Variants in KIAA1217 observed in about 807,000 individuals in gnomAD.
KIAA1217 encodes KIAA1217, also known as sickle tail protein homolog.
Under a neutral mutation model 163.9 loss-of-function variants are expected in KIAA1217, and 88 were observed. The ratio of observed to expected loss-of-function variants is 0.54; its 90% CI spans 0.45 to 0.64. The LOEUF (loss-of-function observed/expected upper bound fraction) is 0.64. Among genes scored for constraint, KIAA1217 ranks in the 30% least tolerant of loss-of-function variants. KIAA1217 has a pLI of 0.00. For missense variants in KIAA1217, 2,372 were observed against 2,475.0 expected, an observed-to-expected ratio of 0.96 and a Z score of 0.88; for synonymous variants, 903 against 923.1, an observed-to-expected ratio of 0.98 and a Z score of 0.39.
chr10:24,520,350 TTTA>T, intron 11 of KIAA1217, 97 bp downstream of exon 11: 3 of 1,498,984 alleles, frequency 2.0e-6, no homozygotes, highest in Non-Finnish European at 2.7e-6. Flanking sequence ...TATGCAAGTA[TTTA>T]TTAAACGTCT....
intron 1 of KIAA1217, among the ~76,000 whole-genome samples, chr10:23,901,790 A>C (rs895737030): frequency 4.6e-5 from 7 of 151,872 alleles, no homozygotes; most frequent in Admixed American, 3.9e-4. Context: ...GCATGCCTGT[A>C]GTCCCAGCTA....
chr10:23,807,546 C>T (rs939375818), intron 1 of KIAA1217, among the ~76,000 whole-genome samples: 3 of 152,118 alleles, frequency 2.0e-5, no homozygotes, highest in African/African-American at 7.2e-5. Flanking sequence ...ATAAAACAGT[C>T]AGATGGAGAG....
intron 1 of KIAA1217, among the ~76,000 whole-genome samples, chr10:23,751,872 G>A (rs60924952): frequency 0.012 from 1,857 of 152,280 alleles, 39 homozygotes; most frequent in African/African-American, 0.042. Context: ...ATTTTAAAAC[G>A]ATGAGATGAG....
intron 5 of KIAA1217, among the ~76,000 whole-genome samples, chr10:24,456,425 G>A (rs74940357): frequency 3.9e-5 from 6 of 152,216 alleles, no homozygotes; most frequent in Admixed American, 1.3e-4. Context: ...ATAATCATGC[G>A]TGCTCAGTGA....
chr10:24,148,221 A>T (rs866105994), intron 2 of KIAA1217, among the ~76,000 whole-genome samples: 1 of 152,074 alleles, frequency 6.6e-6, no homozygotes, highest in Non-Finnish European at 1.5e-5. Context: ...TAGATTTAAA[A>T]TTTTTCTTGC....
intron 2 of KIAA1217, among the ~76,000 whole-genome samples, chr10:24,154,034 T>G (rs969557958): frequency 2.0e-5 from 3 of 149,234 alleles, no homozygotes; most frequent in Non-Finnish European, 4.5e-5. Flanking sequence ...CTCGGCTCAC[T>G]GCAAGCTCCG....
chr10:24,186,336 G>A (rs1160434512), intron 2 of KIAA1217, among the ~76,000 whole-genome samples: 5 of 152,082 alleles, frequency 3.3e-5, no homozygotes, highest in Non-Finnish European at 7.3e-5. Context: ...TAAAATTCTT[G>A]AGTCATACTT....
At chr10:24,422,865 C>T (rs1297626425) in intron 3 of KIAA1217, among the ~76,000 whole-genome samples, 1 of 143,594 alleles carries the variant, frequency 7.0e-6, no homozygotes, top group Admixed American at 7.1e-5. Context: ...TTATGGGGGG[C>T]AAGACACTCT....
At chr10:23,730,518 A>T (rs11816864) in intron 1 of KIAA1217, among the ~76,000 whole-genome samples, 5,410 of 152,198 alleles carry the variant, frequency 0.036, 300 homozygotes, top group African/African-American at 0.12. Flanking sequence ...CAGTTTGTTC[A>T]TATCTACAAA....
At chr10:24,383,365 A>G (rs1289947890) in intron 3 of KIAA1217, among the ~76,000 whole-genome samples, 1 of 152,152 alleles carries the variant, frequency 6.6e-6, no homozygotes, top group Non-Finnish European at 1.5e-5. Context: ...AAAGGAAGGA[A>G]TTTCCTCTGC....
chr10:24,165,289 T>C (rs969164206), intron 2 of KIAA1217, among the ~76,000 whole-genome samples: 6 of 152,100 alleles, frequency 3.9e-5, no homozygotes, highest in African/African-American at 1.4e-4. Context: ...TTGCTGGGAA[T>C]GGAAGAAGTT....
intron 2 of KIAA1217, among the ~76,000 whole-genome samples, chr10:24,176,267 T>C (rs1402186387): frequency 2.0e-5 from 3 of 152,128 alleles, no homozygotes; most frequent in Non-Finnish European, 2.9e-5. Context: ...AAAGCACTGA[T>C]TGGTGCATTT....
chr10:24,001,017 AT>A (rs1274695943), intron 1 of KIAA1217, among the ~76,000 whole-genome samples: 1 of 152,186 alleles, frequency 6.6e-6, no homozygotes, highest in African/African-American at 2.4e-5. Context: ...ATTTTGTTGA[AT>A]TAAAACCTTA....
intron 2 of KIAA1217, among the ~76,000 whole-genome samples, chr10:24,344,783 T>C (rs1013079388): frequency 6.6e-6 from 1 of 152,182 alleles, no homozygotes; most frequent in Admixed American, 6.5e-5. Context: ...AGAAAATAAA[T>C]GAGATTTCTT....
At chr10:23,758,243 G>A (rs1834021094) in intron 1 of KIAA1217, among the ~76,000 whole-genome samples, 1 of 152,172 alleles carries the variant, frequency 6.6e-6, no homozygotes, top group South Asian at 2.1e-4. Context: ...CATAGTGTTA[G>A]ATAAGGGTCC....
At chr10:24,026,112 A>T (rs1438201125) in intron 2 of KIAA1217, among the ~76,000 whole-genome samples, 2 of 151,856 alleles carry the variant, frequency 1.3e-5, no homozygotes, top group Non-Finnish European at 2.9e-5. Flanking sequence ...CATTTCTGGG[A>T]TATATTCTAC....
chr10:24,524,685 T>C lies in KIAA1217; in HGVS notation c.2819T>C (p.Met940Thr), dbSNP rs1050982335. The change falls in exon 13 of 21, where the codon ATG (methionine) becomes ACG (threonine). Residue 940 changes from methionine to threonine, a missense_variant. By Grantham distance (81) the Met-to-Thr change is moderately conservative. Around this residue, in one of 3 missense-constraint regions of KIAA1217, gnomAD observed 1,431 missense variants for 1,470.3 expected, o/e 0.97. Coordinates refer to ENST00000376454, the MANE Select transcript of KIAA1217 (RefSeq NM_019590.5). ...GCTCCGCAGTCCCCACAGATACCCA[T>C]GAATGGGTCTGCCATGCAGAGCTTG... ...SQAPQSPQIP[M>T]NGSAMQSLFI... 1.9e-6 allele frequency: 3 copies of C among 1,613,930 alleles called. No individual in the cohort carries two copies. The highest frequency in any genetic ancestry group is 2.5e-6 in the Non-Finnish European group (3 of 1,179,960).
intron 2 of KIAA1217, chr10:24,368,761 C>A: frequency 1.4e-6 from 1 of 725,954 alleles, no homozygotes; most frequent in Non-Finnish European, 1.7e-6. Flanking sequence ...CACATAGGAT[C>A]CCAGAAGCTA....
intron 2 of KIAA1217, among the ~76,000 whole-genome samples, chr10:24,266,820 C>A (rs1290659798): frequency 6.6e-6 from 1 of 152,204 alleles, no homozygotes; most frequent in East Asian, 1.9e-4. Flanking sequence ...CCAGTAGTGG[C>A]AACCCGCTCG....
Sources: allele counts gnomAD v4.1 joint callset (sites outside exome capture counted in the v4.1 genomes callset), GRCh38; gene constraint gnomAD v4.1.1; regional missense constraint gnomAD v4.1.1; transcripts MANE v1.5; gene names NCBI Gene and HGNC (gene_info 2026-07-23, HGNC 2026-07-21).